Variants in R3HDM2 observed in about 807,000 individuals in gnomAD.
R3HDM2 encodes R3H domain containing 2.
R3HDM2 carries 38 observed loss-of-function variants against 124.5 expected under a neutral mutation model. That is an observed-to-expected ratio of 0.31 (90% CI 0.24 to 0.40). R3HDM2 has a LOEUF of 0.40. Among genes scored for constraint, R3HDM2 ranks in the 10% least tolerant of loss-of-function variants. The pLI, the probability that R3HDM2 is intolerant of heterozygous loss-of-function variation, is 1.00. For synonymous variants in R3HDM2, 391 were observed against 448.0 expected, an observed-to-expected ratio of 0.87 and a Z score of 1.61; for missense variants, 869 against 1,236.9, an observed-to-expected ratio of 0.70 and a Z score of 4.46.
chr12:57,368,105 A>G (rs2062875256), intron 2 of R3HDM2, among the ~76,000 whole-genome samples: 1 of 152,036 alleles, frequency 6.6e-6, no homozygotes, highest in African/African-American at 2.4e-5. Flanking sequence ...TCTATCTTTA[A>G]GAATTCTTTG....
chr12:57,414,486 TAAAA>T (rs534205889), intron 1 of R3HDM2, among the ~76,000 whole-genome samples: 5 of 66,636 alleles, frequency 7.5e-5, no homozygotes, highest in Non-Finnish European at 1.3e-4. Flanking sequence ...AAGACTCCAT[TAAAA>T]AAAAAAAAAA....
At chr12:57,377,078 C>CTAAACAAATAAATAAA (rs2064159249) in intron 2 of R3HDM2, among the ~76,000 whole-genome samples, 2 of 128,030 alleles carry the variant, frequency 1.6e-5, no homozygotes, top group African/African-American at 5.9e-5. Context: ...TGGGTCCACG[C>CTAAACAAATAAATAAA]TAAATAAATA....
At chr12:57,324,813 G>C (rs1038375371) in intron 2 of R3HDM2, among the ~76,000 whole-genome samples, 2 of 152,178 alleles carry the variant, frequency 1.3e-5, no homozygotes, top group Admixed American at 1.3e-4. Flanking sequence ...CCCAGTTCCC[G>C]TGTTAAAGTC....
intron 19 of R3HDM2, among the ~76,000 whole-genome samples, chr12:57,261,647 C>A (rs542244653): frequency 5.8e-4 from 87 of 150,826 alleles, no homozygotes; most frequent in Admixed American, 1.5e-3. Flanking sequence ...TAGCTGAGAA[C>A]ACAGAGCACT....
rs537270255 is a variant in R3HDM2 at position 57,368,902 on chromosome 12, T to G, written c.-36+26847A>C. The stretch of plus-strand genomic sequence containing the variant: ...GCAGTTCCAAAAGTGGGGGGTGGAT[T>G]TGGGGGCTGTTCTCTAACTTTGCAC... On this transcript the variant is annotated intron_variant, in intron 2 of 23. Coordinates refer to ENST00000402412, the MANE Select transcript of R3HDM2 (RefSeq NM_001394031.1). Among the ~76,000 whole-genome samples, 14 of 152,164 alleles carry G rather than the reference T, an allele frequency of 9.2e-5. No individual in the cohort carries two copies. The East Asian group carries it at 2.7e-3, about 29-fold the overall frequency.
chr12:57,408,087 G>A (rs945787862), intron 1 of R3HDM2, among the ~76,000 whole-genome samples: 1 of 152,064 alleles, frequency 6.6e-6, no homozygotes, highest in Non-Finnish European at 1.5e-5. Context: ...TTGCCACCAC[G>A]CCCAGCTAGT....
chr12:57,412,471 G>A (rs1214292371), intron 1 of R3HDM2, among the ~76,000 whole-genome samples: 1 of 152,090 alleles, frequency 6.6e-6, no homozygotes, highest in Non-Finnish European at 1.5e-5. Context: ...TTGAACCTGA[G>A]GCGGAGGCTG....
At chr12:57,368,082 C>T (rs1230787581) in intron 2 of R3HDM2, among the ~76,000 whole-genome samples, 4 of 151,718 alleles carry the variant, frequency 2.6e-5, no homozygotes, top group African/African-American at 9.7e-5. Context: ...TATAAGCTCA[C>T]ATATGTTGGT....
intron 2 of R3HDM2, among the ~76,000 whole-genome samples, chr12:57,377,476 A>T (rs929538010): frequency 5.3e-5 from 8 of 152,090 alleles, no homozygotes; most frequent in Admixed American, 2.0e-4. Context: ...ACTGCCAAGG[A>T]CTTTCTAGAC....
intron 12 of R3HDM2, among the ~76,000 whole-genome samples, chr12:57,288,015 CTTTT>C (rs35488015): frequency 2.3e-5 from 3 of 129,508 alleles, no homozygotes; most frequent in African/African-American, 2.8e-5. Flanking sequence ...TCCCTTAGGT[CTTTT>C]TTTTTTTTTT....
intron 2 of R3HDM2, among the ~76,000 whole-genome samples, chr12:57,356,853 G>C (rs1424714842): frequency 6.6e-6 from 1 of 152,224 alleles, no homozygotes; most frequent in Non-Finnish European, 1.5e-5. Context: ...GCTCACGCCT[G>C]TAATCCGGCT....
chr12:57,277,687 A>G (rs2045173610), intron 14 of R3HDM2, among the ~76,000 whole-genome samples: 1 of 152,158 alleles, frequency 6.6e-6, no homozygotes, highest in South Asian at 2.1e-4. Context: ...GCTTCAAGTA[A>G]TCTGCCCTCC....
chr12:57,423,150 G>A (rs1310249993), intron 1 of R3HDM2, among the ~76,000 whole-genome samples: 7 of 151,038 alleles, frequency 4.6e-5, no homozygotes, highest in Admixed American at 1.3e-4. Context: ...GGCCGGGCGC[G>A]GTGGCTCATG....
At chr12:57,420,792 A>G (rs764466595) in intron 1 of R3HDM2, among the ~76,000 whole-genome samples, 2 of 152,040 alleles carry the variant, frequency 1.3e-5, no homozygotes, top group Admixed American at 6.6e-5. Flanking sequence ...CATGCCTCTT[A>G]GCTGACCCAA....
At chr12:57,281,793 C>T (rs896650768) in intron 13 of R3HDM2, among the ~76,000 whole-genome samples, 1 of 152,132 alleles carries the variant, frequency 6.6e-6, no homozygotes, top group Non-Finnish European at 1.5e-5. Flanking sequence ...GCCAACAGCA[C>T]AGGAACTTCT....
At chr12:57,381,818 G>C (rs1361555221) in intron 2 of R3HDM2, among the ~76,000 whole-genome samples, 3 of 151,750 alleles carry the variant, frequency 2.0e-5, no homozygotes, top group East Asian at 1.9e-4. Flanking sequence ...TAGAGAGAGA[G>C]AGAGACAGAG....
chr12:57,378,604 C>G lies in R3HDM2; in HGVS notation c.-36+17145G>C, dbSNP rs1489872791. Among the ~76,000 whole-genome samples, 2 of 152,138 alleles carry G rather than the reference C, an allele frequency of 1.3e-5. 1 individual carries two copies. Among genetic ancestry groups the G allele is most frequent in the African/African-American group, 4.8e-5 (2 of 41,432 alleles). On this transcript the variant is annotated intron_variant, in intron 2 of 23. Transcript: ENST00000402412. ...ATGTTGCCCAGGCTGGTCTCAAACT[C>G]CTGGACTCAAGACATCCTTCTGCTT...
chr12:57,352,754 A>G (rs1196600966), intron 2 of R3HDM2, among the ~76,000 whole-genome samples: 4 of 152,086 alleles, frequency 2.6e-5, no homozygotes, highest in Non-Finnish European at 5.9e-5. Context: ...TCAGCCTCCT[A>G]AAGTGCTGGG....
At chr12:57,351,682 A>G (rs1224325855) in intron 2 of R3HDM2, among the ~76,000 whole-genome samples, 2 of 152,244 alleles carry the variant, frequency 1.3e-5, no homozygotes, top group Non-Finnish European at 2.9e-5. Flanking sequence ...TGTCATATAT[A>G]AAATGGGGTA....
Sources: gnomAD v4.1 joint callset for allele counts (sites outside exome capture counted in the v4.1 genomes callset) on GRCh38, gnomAD v4.1.1 for gene constraint, MANE v1.5 for transcripts, NCBI Gene and HGNC (gene_info 2026-07-23, HGNC 2026-07-21) for gene names.